Variants in OSBPL9 observed in about 807,000 individuals in gnomAD.
OSBPL9 encodes the protein oxysterol binding protein like 9.
Under a neutral mutation model 106.6 loss-of-function variants are expected in OSBPL9, and 40 were observed. The observed-to-expected ratio is 0.38, with a 90% CI of 0.29 to 0.49. The LOEUF is 0.49. Ranked by LOEUF, OSBPL9 falls within the 20% of genes least tolerant of loss-of-function variation. The probability of loss-of-function intolerance (pLI) is 0.97; values close to 1 mark genes in which losing one functional copy is unlikely to be tolerated. For missense variants in OSBPL9, 609 were observed against 887.2 expected (o/e 0.69, Z 3.98); for synonymous variants, 269 against 295.4 (o/e 0.91, Z 0.92).
the OSBPL9 span, among the ~76,000 whole-genome samples, chr1:51,558,234 T>C: frequency 9.9e-5 from 15 of 151,838 alleles, no homozygotes; most frequent in Non-Finnish European, 2.1e-4. Flanking sequence ...GAGCCAAGAT[T>C]GTGCCACTGC....
At chr1:51,581,655 CTTA>C (rs1443849278) in intron 1 of OSBPL9, among the ~76,000 whole-genome samples, 1 of 151,872 alleles carries the variant, frequency 6.6e-6, no homozygotes, top group Admixed American at 6.6e-5. Flanking sequence ...TATTTTATAC[CTTA>C]TTATTATTTT....
At chr1:51,610,253 G>C (rs1020496569) in intron 2 of OSBPL9, among the ~76,000 whole-genome samples, 15 of 150,542 alleles carry the variant, frequency 1.0e-4, no homozygotes, top group African/African-American at 3.5e-4. Flanking sequence ...ATTTGTTGTT[G>C]TTGTTGTTGT....
At chr1:51,612,058 T>A (rs1643991952) in intron 2 of OSBPL9, among the ~76,000 whole-genome samples, 1 of 152,214 alleles carries the variant, frequency 6.6e-6, no homozygotes, top group Non-Finnish European at 1.5e-5. Context: ...GAAACCTTGG[T>A]ATTATCTCTG....
intron 1 of OSBPL9, among the ~76,000 whole-genome samples, chr1:51,642,421 C>G (rs969294582): frequency 3.3e-5 from 5 of 152,162 alleles, no homozygotes; most frequent in Non-Finnish European, 7.4e-5. Flanking sequence ...TGAATGCACA[C>G]AAGGTATTCT....
intron 3 of OSBPL9, among the ~76,000 whole-genome samples, chr1:51,677,955 C>T (rs555947018): frequency 6.6e-6 from 1 of 151,600 alleles, no homozygotes; most frequent in South Asian, 2.1e-4. Context: ...GGGAGGATGG[C>T]TTGAGGCCAA....
At chr1:51,682,194 AC>A (rs1392827220) in intron 3 of OSBPL9, among the ~76,000 whole-genome samples, 1 of 151,284 alleles carries the variant, frequency 6.6e-6, no homozygotes, top group Non-Finnish European at 1.5e-5. Flanking sequence ...ACAGAGCAAG[AC>A]TCCGTCTCAA....
chr1:51,611,398 G>A (rs1643987326), intron 2 of OSBPL9, among the ~76,000 whole-genome samples: 1 of 152,108 alleles, frequency 6.6e-6, no homozygotes. Context: ...AACACTGTAG[G>A]AATGTTGTTT....
intron 3 of OSBPL9, among the ~76,000 whole-genome samples, chr1:51,692,769 C>CTCCT (rs1263007120): frequency 6.6e-6 from 1 of 151,442 alleles, no homozygotes; most frequent in Non-Finnish European, 1.5e-5. Context: ...CTTAGCAATC[C>CTCCT]TCCTACCTTA....
intron 2 of OSBPL9, among the ~76,000 whole-genome samples, chr1:51,658,818 C>T (rs1198251428): frequency 1.3e-5 from 2 of 151,704 alleles, no homozygotes; most frequent in African/African-American, 4.8e-5. Context: ...CTTCCTTTTT[C>T]CCTTGGATCT....
intron 4 of OSBPL9, among the ~76,000 whole-genome samples, chr1:51,721,523 GA>G (rs1662124108): frequency 6.6e-6 from 1 of 152,102 alleles, no homozygotes; most frequent in African/African-American, 2.4e-5. Flanking sequence ...GAGAGTTGCT[GA>G]AAAATGAATC....
chr1:51,687,681 T>A (rs1654105658), intron 3 of OSBPL9, among the ~76,000 whole-genome samples: 1 of 152,182 alleles, frequency 6.6e-6, no homozygotes, highest in Non-Finnish European at 1.5e-5. Flanking sequence ...TTGAGAAATG[T>A]AAGAAGTGTC....
At chr1:51,598,443 T>C (rs1455138835) in intron 2 of OSBPL9, among the ~76,000 whole-genome samples, 1 of 152,236 alleles carries the variant, frequency 6.6e-6, no homozygotes, top group Non-Finnish European at 1.5e-5. Context: ...CAGATAATTC[T>C]GTGTGTGGTG....
intron 14 of OSBPL9, among the ~76,000 whole-genome samples, chr1:51,774,087 G>A (rs972292223): frequency 7.9e-5 from 12 of 152,050 alleles, no homozygotes; most frequent in Admixed American, 6.5e-5. Context: ...GCAAGGGGGA[G>A]GCTAAATGAT....
At chr1:51,714,156 TTTAAATAAC>T in intron 4 of OSBPL9, 77 bp downstream of exon 4, 2 of 1,115,828 alleles carry the variant, frequency 1.8e-6, no homozygotes, top group Non-Finnish European at 2.6e-6. Context: ...GTTTTTTTTT[TTTAAATAAC>T]TGTGGTATGA....
At chr1:51,649,668 G>C (rs1380278936) in intron 1 of OSBPL9, among the ~76,000 whole-genome samples, 1 of 149,038 alleles carries the variant, frequency 6.7e-6, no homozygotes, top group African/African-American at 2.5e-5. Context: ...CTTTTTCCTT[G>C]ACTGGGAGGA....
chr1:51,540,033 C>A, the OSBPL9 span, among the ~76,000 whole-genome samples: 1 of 152,234 alleles, frequency 6.6e-6, no homozygotes, highest in Non-Finnish European at 1.5e-5. Context: ...TTCCTGCCAG[C>A]AGGCCTTAAA....
chr1:51,586,805 G>T lies in OSBPL9; in HGVS notation c.-423+9549G>T, dbSNP rs570547572. On this transcript the variant is annotated intron_variant, in intron 1 of 25. Transcript: ENST00000371714. Reference sequence around the variant, plus strand: ...GGTGGGAAGCTCTTACAGATTGCAGGTAAGGGACTACTGGTGGAATCTTCC... The same window carrying T: ...GGTGGGAAGCTCTTACAGATTGCAGTTAAGGGACTACTGGTGGAATCTTCC... Among the ~76,000 whole-genome samples, 18 of 152,262 alleles carry T rather than the reference G, an allele frequency of 1.2e-4. No individual in the cohort carries two copies. In the South Asian group the frequency reaches 3.7e-3, roughly 32 times the overall value.
chr1:51,582,622 A>T (rs573563229), intron 1 of OSBPL9, among the ~76,000 whole-genome samples: 1 of 152,100 alleles, frequency 6.6e-6, no homozygotes, highest in African/African-American at 2.4e-5. Flanking sequence ...GAGCAACCAC[A>T]CCTGGCCAAC....
chr1:51,786,610 T>A lies in OSBPL9; in HGVS notation c.1993T>A (p.Ser665Thr). ...GTTGGAAGATCAGAACGAGTATGAA[T>A]CCCGCAGGTAAGCCGACATTGTTAA... ...RKLEDQNEYESRSLWKDVTFN... is the reference protein window; with the variant it reads ...RKLEDQNEYETRSLWKDVTFN... The change falls in exon 22 of 24, where the codon TCC becomes ACC. Residue 665 changes from serine to threonine, a missense_variant. By Grantham distance (58) the Ser-to-Thr change is moderately conservative. Transcript: ENST00000428468. 6.2e-7 allele frequency: 1 copy of A among 1,611,224 alleles called. No individual in the cohort carries two copies. The highest frequency in any genetic ancestry group is 1.1e-5 in the South Asian group (1 of 90,974).
Sources: allele counts gnomAD v4.1 joint callset (sites outside exome capture counted in the v4.1 genomes callset), GRCh38; gene constraint gnomAD v4.1.1; transcripts MANE v1.5; gene names NCBI Gene and HGNC (gene_info 2026-07-23, HGNC 2026-07-21).